Variants in RNF212B observed in about 807,000 individuals in gnomAD.
RNF212B encodes the protein E3 ubiquitin-protein ligase RNF212B.
RNF212B carries 52 observed loss-of-function variants against 55.5 expected under a neutral mutation model. The ratio of observed to expected loss-of-function variants is 0.94; its 90% CI spans 0.75 to 1.18. The LOEUF (loss-of-function observed/expected upper bound fraction) is 1.18, where lower values mean the gene tolerates loss of function less well. RNF212B is among the 50% of genes most tolerant of loss of function. The pLI, the probability that RNF212B is intolerant of heterozygous loss-of-function variation, is 0.00. For synonymous variants in RNF212B, 99 were observed against 121.4 expected, an observed-to-expected ratio of 0.82 and a Z score of 1.21; for missense variants, 289 against 350.4, an observed-to-expected ratio of 0.82 and a Z score of 1.40.
intron 2 of RNF212B, among the ~76,000 whole-genome samples, chr14:23,213,535 C>T (rs1880762645): frequency 6.6e-6 from 1 of 152,110 alleles, no homozygotes; most frequent in Non-Finnish European, 1.5e-5. Context: ...TCTCCTGTCC[C>T]TCTGGGTATC....
In RNF212B at chr14:23,264,658, A is replaced by T; in HGVS notation, c.621A>T (p.Arg207Ser). 7.5e-7 allele frequency: 1 copy of T among 1,330,436 alleles called. No homozygotes were observed. The highest frequency in any genetic ancestry group is 9.7e-7 in the Non-Finnish European group (1 of 1,032,792). 82.4% of individuals were successfully genotyped at this position (1,330,436 alleles called of 1,614,324 possible). ...GTCTGCAGGGAAGGAGAACTCCCAG[A>T]GACTCTTATAATGGTGAGGTGGGGG... is the stretch of plus-strand genomic sequence containing the variant. ...GRGLQGRRTP[R>S]DSYNETPSPA... Residue 207 changes from arginine to serine, a missense_variant, in exon 11 of 15, where the codon AGA (arginine) becomes AGT (serine). By Grantham distance (110) the Arg-to-Ser change is moderately radical (BLOSUM62 -1). Transcript: ENST00000430154.
At chr14:23,202,522 A>G (rs1451023631) in intron 2 of RNF212B, among the ~76,000 whole-genome samples, 5 of 152,092 alleles carry the variant, frequency 3.3e-5, no homozygotes, top group Non-Finnish European at 7.4e-5. Flanking sequence ...TTTGATTGGC[A>G]TCTTCTACAG....
chr14:23,192,737 A>C (rs1878234851), intron 1 of RNF212B, among the ~76,000 whole-genome samples: 1 of 152,156 alleles, frequency 6.6e-6, no homozygotes, highest in African/African-American at 2.4e-5. Context: ...TATAGTCACT[A>C]ATTTGGTGAT....
At chr14:23,198,607 CA>C (rs1878967130) in intron 2 of RNF212B, among the ~76,000 whole-genome samples, 1 of 151,480 alleles carries the variant, frequency 6.6e-6, no homozygotes, top group South Asian at 2.1e-4. Flanking sequence ...ACCTGGGAAG[CA>C]GAGGTTGCAG....
chr14:23,221,233 G>GA (rs71119004), intron 2 of RNF212B, among the ~76,000 whole-genome samples: 24,600 of 115,924 alleles, frequency 0.21, 2,115 homozygotes, highest in Non-Finnish European at 0.23. Flanking sequence ...CTGAAAATAG[G>GA]AAAAAAAAAA....
chr14:23,235,681 C>T (rs1326092019), upstream of RNF212B, among the ~76,000 whole-genome samples: 1 of 152,158 alleles, frequency 6.6e-6, no homozygotes, highest in African/African-American at 2.4e-5. Flanking sequence ...GTGATATTAA[C>T]AAAAGTGATT....
intron 2 of RNF212B, among the ~76,000 whole-genome samples, chr14:23,204,580 A>G (rs1255027497): frequency 6.6e-6 from 1 of 152,144 alleles, no homozygotes; most frequent in Non-Finnish European, 1.5e-5. Flanking sequence ...CCATTGGTGT[A>G]TGTACCTATT....
intron 8 of RNF212B, 22 bp from the exon 9 acceptor site, chr14:23,262,906 T>A (rs1324944131): frequency 6.5e-7 from 1 of 1,550,332 alleles, no homozygotes; most frequent in Admixed American, 2.0e-5. Context: ...AACTTTTTAT[T>A]CTGTACTTTA....
chr14:23,214,120 A>G (rs1224744866), intron 2 of RNF212B, among the ~76,000 whole-genome samples: 3 of 152,226 alleles, frequency 2.0e-5, no homozygotes, highest in Non-Finnish European at 4.4e-5. Flanking sequence ...CTTTTTTAAA[A>G]AAGCTTCAAT....
At chr14:23,189,755 C>T (rs1877940424) in intron 1 of RNF212B, among the ~76,000 whole-genome samples, 1 of 152,140 alleles carries the variant, frequency 6.6e-6, no homozygotes, top group Admixed American at 6.5e-5. Context: ...CTGCAGTGAG[C>T]CATGTTCATG....
rs1022549174 is a variant in RNF212B, at chr14:23,263,068, C to G, written c.524+98C>G. On this transcript the variant is annotated intron_variant, in intron 9 of 14. Coordinates refer to ENST00000430154, the MANE Select transcript of RNF212B (RefSeq NM_001282322.3). The stretch of plus-strand genomic sequence containing the variant: ...GATTGGGACTGATGAAATTTTAGGT[C>G]TATGTAGAAGTTTAAAGCTAGGGTT... 49 of 1,106,834 alleles carry G rather than the reference C, an allele frequency of 4.4e-5. No homozygotes were observed. In the South Asian group the frequency reaches 6.1e-4, roughly 14 times the overall value. 68.6% of individuals were successfully genotyped at this position (1,106,834 alleles called of 1,614,324 possible).
upstream of RNF212B, among the ~76,000 whole-genome samples, chr14:23,235,167 G>C (rs1348192215): frequency 1.3e-5 from 2 of 151,914 alleles, no homozygotes; most frequent in Admixed American, 6.6e-5. Flanking sequence ...AGCTGAGATG[G>C]TGCCACTGCG....
chr14:23,243,762 A>C (rs988154229), intron 3 of RNF212B, among the ~76,000 whole-genome samples: 1 of 150,918 alleles, frequency 6.6e-6, no homozygotes, highest in East Asian at 2.0e-4. Flanking sequence ...ACAAACTTGC[A>C]GATAGAAGTT....
intron 2 of RNF212B, among the ~76,000 whole-genome samples, chr14:23,202,935 C>G (rs1054621466): frequency 6.6e-6 from 1 of 151,206 alleles, no homozygotes; most frequent in Admixed American, 6.6e-5. Flanking sequence ...TTAAAGCCCT[C>G]TAACTCAATG....
intron 14 of RNF212B, among the ~76,000 whole-genome samples, chr14:23,271,939 CCTTT>C (rs1223205851): frequency 6.6e-6 from 1 of 152,048 alleles, no homozygotes; most frequent in Non-Finnish European, 1.5e-5. Context: ...TTAAAAATAG[CCTTT>C]CTCTTTTATA....
chr14:23,268,562 C>T (rs1885854921), intron 11 of RNF212B, among the ~76,000 whole-genome samples: 1 of 152,122 alleles, frequency 6.6e-6, no homozygotes, highest in Non-Finnish European at 1.5e-5. Flanking sequence ...GGTCTTTGCT[C>T]TGCCATTTTT....
chr14:23,222,673 C>T (rs1881668657), intron 2 of RNF212B, among the ~76,000 whole-genome samples: 1 of 152,114 alleles, frequency 6.6e-6, no homozygotes, highest in African/African-American at 2.4e-5. Flanking sequence ...GACAAAGAAA[C>T]ATCAGAAAAA....
intron 2 of RNF212B, among the ~76,000 whole-genome samples, chr14:23,217,577 C>A (rs111444328): frequency 0.013 from 1,953 of 152,120 alleles, 41 homozygotes; most frequent in African/African-American, 0.043. Flanking sequence ...AGAGAGAGAG[C>A]TTCCATTTTG....
intron 11 of RNF212B, among the ~76,000 whole-genome samples, chr14:23,265,319 T>C (rs1885609196): frequency 6.6e-6 from 1 of 152,220 alleles, no homozygotes; most frequent in Non-Finnish European, 1.5e-5. Flanking sequence ...AGGATGCTGA[T>C]TGTTGGCCTG....
Sources: allele counts gnomAD v4.1 joint callset (sites outside exome capture counted in the v4.1 genomes callset), GRCh38; gene constraint gnomAD v4.1.1; transcripts MANE v1.5; gene names NCBI Gene and HGNC (gene_info 2026-07-23, HGNC 2026-07-21).